PLCL1: variants seen among roughly 807,000 people sequenced by gnomAD.
The protein encoded by PLCL1 is inactive phospholipase C-like protein 1.
PLCL1 carries 41 observed loss-of-function variants against 84.4 expected under a neutral mutation model. That is an observed-to-expected ratio of 0.49 (90% CI 0.38 to 0.63). PLCL1 has a LOEUF of 0.63. PLCL1 is among the 30% of genes least tolerant of loss of function. PLCL1 has a pLI of 0.00. For synonymous variants in PLCL1, 490 were observed against 488.3 expected, an observed-to-expected ratio of 1.00 and a Z score of -0.05; for missense variants, 1,206 against 1,367.8, an observed-to-expected ratio of 0.88 and a Z score of 1.87.
rs563181568 is a variant in PLCL1 at position 198,077,148 on chromosome 2, C to T, written c.241-6610C>T. On this transcript the variant is annotated intron_variant, in intron 1 of 5. Transcript: ENST00000428675. ...ATATGGTAGTAGCCATCCTGGCTGT[C>T]TTTCCCACTGAAGGACTTTTGTTCC... Among the ~76,000 whole-genome samples the T allele has an allele frequency of 2.0e-5, 3 of 152,216 alleles. No homozygotes were observed. The East Asian group carries it at 5.8e-4, about 29-fold the overall frequency.
At chr2:198,009,196 C>T (rs1341201003) in intron 1 of PLCL1, among the ~76,000 whole-genome samples, 1 of 151,818 alleles carries the variant, frequency 6.6e-6, no homozygotes, top group Non-Finnish European at 1.5e-5. Context: ...TGTGTCATTC[C>T]ATTTGTTTAT....
chr2:197,896,235 A>G (rs901843941), intron 1 of PLCL1, among the ~76,000 whole-genome samples: 3 of 152,014 alleles, frequency 2.0e-5, no homozygotes, highest in African/African-American at 7.2e-5. Flanking sequence ...CTAGTGTACA[A>G]ATTAATACCA....
chr2:198,087,396 T>C (rs1440789564), intron 2 of PLCL1, among the ~76,000 whole-genome samples: 20 of 152,186 alleles, frequency 1.3e-4, no homozygotes, highest in Admixed American at 1.3e-3. Flanking sequence ...GCTAGTGTTA[T>C]TGAGATGCAA....
At chr2:197,809,939 C>T (rs1479431243) in intron 1 of PLCL1, among the ~76,000 whole-genome samples, 1 of 151,518 alleles carries the variant, frequency 6.6e-6, no homozygotes, top group East Asian at 1.9e-4. Flanking sequence ...GTAGATTGAC[C>T]CAGGAATTAA....
In PLCL1 at chr2:198,084,242, T is replaced by G. The variant is rs764451023; in HGVS notation, c.725T>G (p.Met242Arg). ...MEGNQNTPRFMWLKTVFEAAD... is the reference protein window; with the variant it reads ...MEGNQNTPRFRWLKTVFEAAD... ...GGCAACCAGAACACACCACGGTTCA[T>G]GTGGTTGAAAACAGTGTTTGAAGCA... Residue 242 changes from methionine (M) to arginine (R), a missense_variant, in exon 2 of 6, where the codon ATG (methionine) becomes AGG (arginine). By Grantham distance (91) the Met-to-Arg change is moderately conservative. Transcript: ENST00000428675. The G allele has an allele frequency of 7.4e-6, 12 of 1,613,986 alleles. No homozygotes were observed. The African/African-American group carries it at 1.6e-4, about 22-fold the overall frequency.
At chr2:197,968,996 A>G (rs1689803353) in intron 1 of PLCL1, among the ~76,000 whole-genome samples, 2 of 152,328 alleles carry the variant, frequency 1.3e-5, no homozygotes, top group South Asian at 2.1e-4. Flanking sequence ...AGTGAACACT[A>G]TCGCCTGAGC....
intron 1 of PLCL1, among the ~76,000 whole-genome samples, chr2:197,873,669 G>A (rs777153717): frequency 3.3e-5 from 5 of 152,114 alleles, no homozygotes; most frequent in Non-Finnish European, 5.9e-5. Flanking sequence ...AGCTGGGGGT[G>A]GGGATTAGAA....
chr2:198,125,950 C>T (rs958676188), intron 5 of PLCL1, among the ~76,000 whole-genome samples: 7 of 152,170 alleles, frequency 4.6e-5, no homozygotes, highest in Admixed American at 6.6e-5. Flanking sequence ...AGCGACACAA[C>T]AGATACATGA....
intron 5 of PLCL1, among the ~76,000 whole-genome samples, chr2:198,105,013 G>T (rs1693440742): frequency 6.6e-6 from 1 of 151,948 alleles, no homozygotes; most frequent in African/African-American, 2.4e-5. Context: ...CTGTGCAGAA[G>T]TTCTTTAATT....
rs1180675818 is a variant in PLCL1 at position 198,148,326 on chromosome 2, G to A, written c.*1364G>A. The A allele has an allele frequency of 6.6e-6, 1 of 152,186 alleles. No individual in the cohort carries two copies. The highest frequency in any genetic ancestry group is 1.5e-5 in the Non-Finnish European group (1 of 68,014). 9.4% of individuals were successfully genotyped at this position (152,186 alleles called of 1,614,324 possible). A position where few individuals can be genotyped will look rare whatever the true frequency, so the allele number is the denominator to read the frequency against. On this transcript the variant is annotated 3_prime_UTR_variant, in exon 6 of 6. Coordinates refer to ENST00000428675, the MANE Select transcript of PLCL1 (RefSeq NM_006226.4). ...TTTGCAAATATAAACATCTCCTATA[G>A]CTTCTGTGTTATTTCTGACTTCTTA...
At chr2:197,957,199 C>T (rs1689512660) in intron 1 of PLCL1, among the ~76,000 whole-genome samples, 1 of 151,984 alleles carries the variant, frequency 6.6e-6, no homozygotes, top group Non-Finnish European at 1.5e-5. Context: ...TTTAACTCTG[C>T]TAGAGTACTG....
intron 1 of PLCL1, among the ~76,000 whole-genome samples, chr2:197,963,551 T>G (rs937147499): frequency 6.6e-6 from 1 of 152,108 alleles, no homozygotes; most frequent in African/African-American, 2.4e-5. Context: ...CTTCACTTTG[T>G]GGGTTGTTTC....
rs1320725802 is a variant in PLCL1, at chr2:198,148,349, T to C, written c.*1387T>C. On this transcript the variant is annotated 3_prime_UTR_variant, in exon 6 of 6. Coordinates refer to ENST00000428675, the MANE Select transcript of PLCL1 (RefSeq NM_006226.4). ...TAGCTTCTGTGTTATTTCTGACTTC[T>C]TAACACTATTATGTTTATGTTGCAC... is the stretch of plus-strand genomic sequence containing the variant. The C allele has an allele frequency of 6.6e-6, 1 of 152,366 alleles. No individual in the cohort carries two copies. The highest frequency in any genetic ancestry group is 1.5e-5 in the Non-Finnish European group (1 of 68,046). 9.4% of individuals were successfully genotyped at this position (152,366 alleles called of 1,614,324 possible). A position where few individuals can be genotyped will look rare whatever the true frequency, so the allele number is the denominator to read the frequency against.
chr2:197,812,766 G>C (rs1302034755), intron 1 of PLCL1, among the ~76,000 whole-genome samples: 1 of 152,186 alleles, frequency 6.6e-6, no homozygotes, highest in African/African-American at 2.4e-5. Context: ...CAGAACACCT[G>C]CTCTGTGAGA....
chr2:198,097,625 A>G (rs1472439624), intron 3 of PLCL1, among the ~76,000 whole-genome samples: 3 of 152,208 alleles, frequency 2.0e-5, no homozygotes, highest in African/African-American at 7.2e-5. Flanking sequence ...GGAACAAAAC[A>G]ACAAGAGAAA....
intron 5 of PLCL1, among the ~76,000 whole-genome samples, chr2:198,113,371 G>A (rs1693667858): frequency 6.6e-6 from 1 of 151,878 alleles, no homozygotes; most frequent in African/African-American, 2.4e-5. Context: ...TCTTTACTAG[G>A]TGACAGGCTT....
chr2:197,904,078 C>T (rs919838650), intron 1 of PLCL1, among the ~76,000 whole-genome samples: 1 of 152,182 alleles, frequency 6.6e-6, no homozygotes, highest in Non-Finnish European at 1.5e-5. Context: ...GCTGGGATTA[C>T]AGGCGTGAGC....
Position 197,923,430 on chromosome 2 carries a change from C to T in PLCL1, c.240+118091C>T, listed in dbSNP as rs562890401. 5.8e-3 allele frequency among the ~76,000 whole-genome samples: 860 copies of T among 147,720 alleles called. 12 individuals carry two copies. The highest frequency in any genetic ancestry group is 0.02 in the African/African-American group (819 of 40,286). On this transcript the variant is annotated intron_variant, in intron 1 of 5. Coordinates refer to ENST00000428675, the MANE Select transcript of PLCL1 (RefSeq NM_006226.4). ...GTGGTTGCCAGGCAGAGGGTCTCCT[C>T]ACTTCTCAGACGGGGCGGCCGGGCA...
In PLCL1 at chr2:198,088,915, C is replaced by T; in HGVS notation, c.2773C>T (p.Gln925Ter). ...CGLPPIASLK[Q>*]CLLTLSSRLI... ...ACTCCCTCCAATTGCCAGTCTGAAG[C>T]AGTGCCTGTTAACTCTGTCATCTCG... Residue 925 changes from glutamine (Q) to a stop codon, truncating the protein, a stop_gained, in exon 3 of 6, where the codon CAG becomes TAG. Transcript: ENST00000428675. LOFTEE classifies it high-confidence loss of function. The T allele has an allele frequency of 6.2e-7, 1 of 1,612,654 alleles. No individual in the cohort carries two copies. Among genetic ancestry groups the T allele is most frequent in the Non-Finnish European group, 8.5e-7 (1 of 1,178,644 alleles).
Sources: allele counts gnomAD v4.1 joint callset (sites outside exome capture counted in the v4.1 genomes callset), GRCh38; gene constraint gnomAD v4.1.1; transcripts MANE v1.5; gene names NCBI Gene and HGNC (gene_info 2026-07-23, HGNC 2026-07-21).